NDFIP1: variants seen among roughly 807,000 people sequenced by gnomAD.
The protein encoded by NDFIP1 is NEDD4 family-interacting protein 1.
Under a neutral mutation model 28.8 loss-of-function variants are expected in NDFIP1, and 7 were observed. The observed-to-expected ratio is 0.24, with a 90% CI of 0.14 to 0.46. NDFIP1 has a LOEUF of 0.46. Ranked by LOEUF, NDFIP1 falls within the 20% of genes least tolerant of loss-of-function variation. The probability of loss-of-function intolerance (pLI) is 0.99; values close to 1 mark genes in which losing one functional copy is unlikely to be tolerated. For missense variants in NDFIP1, 194 were observed against 269.1 expected (o/e 0.72, Z 1.95); for synonymous variants, 92 against 101.0 (o/e 0.91, Z 0.53).
At chr5:142,135,935 T>G (rs1381486167) in intron 4 of NDFIP1, 118 bp downstream of exon 4, 2 of 632,746 alleles carry the variant, frequency 3.2e-6, no homozygotes, top group Non-Finnish European at 5.3e-6. Flanking sequence ...TTATGTTTAT[T>G]TGGTGCCTTT....
intron 1 of NDFIP1, among the ~76,000 whole-genome samples, chr5:142,112,834 A>ATT (rs201323144): frequency 6.8e-6 from 1 of 146,620 alleles, no homozygotes; most frequent in African/African-American, 2.5e-5. Flanking sequence ...GCATTATTTT[A>ATT]TTTTTTTTTT....
chr5:142,119,369 A>G (rs1218380071), intron 1 of NDFIP1, among the ~76,000 whole-genome samples: 1 of 152,260 alleles, frequency 6.6e-6, no homozygotes, highest in East Asian at 1.9e-4. Flanking sequence ...AAGCATATGT[A>G]CAGTTCCTTT....
rs1351765355 is a variant in NDFIP1 at position 142,144,579 on chromosome 5, C to T, written c.571C>T (p.Leu191=). The part of the protein sequence containing the change: ...WWVFLVLGFL[L]FLRGFINYAK... ...TTTCTTTTTTAAATTAGGCTTTCTCCTGTTTCTCAGAGGATTTATCAATTA... is the reference window on the plus strand; with the variant it reads ...TTTCTTTTTTAAATTAGGCTTTCTCTTGTTTCTCAGAGGATTTATCAATTA... The change falls in exon 7 of 8, where the codon CTG becomes TTG. Residue 191 remains leucine (L), a synonymous_variant. Coordinates refer to ENST00000253814, the MANE Select transcript of NDFIP1 (RefSeq NM_030571.4). The T allele has an allele frequency of 1.2e-6, 2 of 1,606,984 alleles. No individual in the cohort carries two copies. The highest frequency in any genetic ancestry group is 3.4e-5 in the Admixed American group (2 of 58,852).
At chr5:142,138,818 G>A (rs1321675822) in intron 5 of NDFIP1, among the ~76,000 whole-genome samples, 8 of 150,608 alleles carry the variant, frequency 5.3e-5, no homozygotes, top group East Asian at 1.9e-4. Context: ...TTTACTTTTC[G>A]AACTACATTA....
chr5:142,136,167 C>T (rs1236739759), intron 4 of NDFIP1, among the ~76,000 whole-genome samples: 1 of 152,138 alleles, frequency 6.6e-6, no homozygotes, highest in Non-Finnish European at 1.5e-5. Flanking sequence ...ATGAATTTTG[C>T]TCTGAAAGCT....
intron 6 of NDFIP1, among the ~76,000 whole-genome samples, chr5:142,141,326 C>CAT (rs1424521083): frequency 1.3e-5 from 2 of 151,622 alleles, no homozygotes; most frequent in African/African-American, 4.8e-5. Flanking sequence ...CAGGCACCTG[C>CAT]CACCACGCCC....
At chr5:142,132,150 G>GGAAC in intron 2 of NDFIP1, 62 bp from the exon 3 acceptor site, 1 of 1,578,668 alleles carries the variant, frequency 6.3e-7, no homozygotes, top group Non-Finnish European at 8.6e-7. Context: ...TAGAGTTAGT[G>GGAAC]GAACTCCTTT....
In NDFIP1 at chr5:142,111,010, G is replaced by A. The variant is rs531163744; in HGVS notation, c.63+1973G>A. 4.6e-5 allele frequency among the ~76,000 whole-genome samples: 7 copies of A among 151,954 alleles called. No homozygotes were observed. In the South Asian group the frequency reaches 1.5e-3, roughly 32 times the overall value. ...ACACACTCACCTACTTAAAACACAG[G>A]CTCACAGTCCAGATATAGGTGTATG... On this transcript the variant is annotated intron_variant, in intron 1 of 7. Transcript: ENST00000253814.
At chr5:142,141,715 T>A (rs778906187) in intron 6 of NDFIP1, among the ~76,000 whole-genome samples, 5 of 152,200 alleles carry the variant, frequency 3.3e-5, no homozygotes, top group Admixed American at 3.3e-4. Flanking sequence ...TTCTGTGACA[T>A]CAGTTTCTCC....
In NDFIP1 at chr5:142,148,815, T is replaced by TA. The variant is rs562870021; in HGVS notation, c.*3-2915dup. On this transcript the variant is annotated intron_variant, in intron 7 of 7. Transcript: ENST00000253814. Reference sequence around the variant, plus strand: ...GGAAGCAGAAGAAACAGATACCTGTTATAAACATCTGTACCTGAAATGGTA... The same window carrying TA: ...GGAAGCAGAAGAAACAGATACCTGTTAATAAACATCTGTACCTGAAATGGTA... 2.0e-5 allele frequency among the ~76,000 whole-genome samples: 3 copies of TA among 150,494 alleles called. No individual in the cohort carries two copies. The East Asian group carries it at 5.9e-4, about 30-fold the overall frequency.
chr5:142,137,537 T>C (rs1422182508), intron 4 of NDFIP1, among the ~76,000 whole-genome samples, 197 bp from the exon 5 acceptor site: 2 of 152,146 alleles, frequency 1.3e-5, no homozygotes, highest in Non-Finnish European at 2.9e-5. Context: ...TAAAACCTGA[T>C]AGGGAGGAGT....
chr5:142,110,289 T>A (rs2126907919), intron 1 of NDFIP1, among the ~76,000 whole-genome samples: 1 of 152,320 alleles, frequency 6.6e-6, no homozygotes, highest in African/African-American at 2.4e-5. Context: ...TAGCACATGC[T>A]TTTTTTCTAT....
In NDFIP1 at chr5:142,108,975, ATGGCGT is replaced by A. The variant is rs1399478692; in HGVS notation, c.13_18del (p.LeuAla5_?6). On this transcript the variant is annotated start_lost and inframe_deletion, in exon 1 of 8. Transcript: ENST00000253814. Reference sequence around the variant, plus strand: ...CTGCTTCCCTGCTGCCGGCTGCGCCATGGCGTTGGCGTTGGCGGCGCTGGCGGCGGT... The same window carrying A: ...CTGCTTCCCTGCTGCCGGCTGCGCCATGGCGTTGGCGGCGCTGGCGGCGGT... 1 of 1,445,430 alleles carries A rather than the reference ATGGCGT, an allele frequency of 6.9e-7. No individual in the cohort carries two copies. Among genetic ancestry groups the A allele is most frequent in the Non-Finnish European group, 9.1e-7 (1 of 1,102,492 alleles). The allele number at this position is 1,445,430 out of a possible 1,614,324, so 89.5% of individuals were successfully genotyped here.
At chr5:142,112,493 C>G (rs532313456) in intron 1 of NDFIP1, among the ~76,000 whole-genome samples, 1 of 146,732 alleles carries the variant, frequency 6.8e-6, no homozygotes, top group Non-Finnish European at 1.5e-5. Context: ...AGGCTGGGAT[C>G]GCGCCACTGT....
At chr5:142,151,538 G>T (rs1358355449) in intron 7 of NDFIP1, among the ~76,000 whole-genome samples, 193 bp from the exon 8 acceptor site, 3 of 152,140 alleles carry the variant, frequency 2.0e-5, no homozygotes. Flanking sequence ...TAGTTCTAGA[G>T]GCCTTGATAA....
intron 1 of NDFIP1, among the ~76,000 whole-genome samples, chr5:142,119,570 C>T (rs1757102360): frequency 1.3e-5 from 2 of 152,110 alleles, no homozygotes; most frequent in Admixed American, 1.3e-4. Flanking sequence ...TTTCTTTGTG[C>T]TATCAAGTTC....
intron 7 of NDFIP1, among the ~76,000 whole-genome samples, chr5:142,150,890 A>G (rs1048035504): frequency 1.3e-5 from 2 of 152,228 alleles, no homozygotes; most frequent in African/African-American, 4.8e-5. Context: ...ATGTTTATTA[A>G]GCAGTAAATG....
At chr5:142,131,065 C>T (rs1040323040) in intron 1 of NDFIP1, among the ~76,000 whole-genome samples, 5 of 151,244 alleles carry the variant, frequency 3.3e-5, no homozygotes, top group Admixed American at 6.6e-5. Flanking sequence ...AGCCATCCTG[C>T]TGCCTCAGCC....
chr5:142,119,300 G>T (rs893725480), intron 1 of NDFIP1, among the ~76,000 whole-genome samples: 1 of 152,174 alleles, frequency 6.6e-6, no homozygotes, highest in African/African-American at 2.4e-5. Context: ...TGTGTAAGTT[G>T]TATCAGAATT....
Sources: gnomAD v4.1 joint callset for allele counts (sites outside exome capture counted in the v4.1 genomes callset) on GRCh38, gnomAD v4.1.1 for gene constraint, MANE v1.5 for transcripts, NCBI Gene and HGNC (gene_info 2026-07-23, HGNC 2026-07-21) for gene names.